Variants in COL4A1 observed in about 807,000 individuals in gnomAD.
COL4A1 encodes the protein collagen alpha-1(IV) chain.
COL4A1 carries 40 observed loss-of-function variants against 216.6 expected under a neutral mutation model. The observed-to-expected ratio is 0.18, with a 90% CI of 0.14 to 0.24. The LOEUF is 0.24. COL4A1 is among the 10% of genes least tolerant of loss of function. The pLI, the probability that COL4A1 is intolerant of heterozygous loss-of-function variation, is 1.00. For missense variants in COL4A1, 1,628 were observed against 2,196.8 expected, an observed-to-expected ratio of 0.74 and a Z score of 5.18; for synonymous variants, 839 against 810.7, an observed-to-expected ratio of 1.03 and a Z score of -0.59.
rs1012199148 is a variant in COL4A1 at position 110,211,064 on chromosome 13, C to T, written c.468+583G>A. Among the ~76,000 whole-genome samples, 3 of 152,286 alleles carry T rather than the reference C, an allele frequency of 2.0e-5. No homozygotes were observed. Among genetic ancestry groups the T allele is most frequent in the East Asian group, 1.9e-4 (1 of 5,188 alleles). On this transcript the variant is annotated intron_variant, in intron 8 of 51. Transcript: ENST00000375820. The surrounding 1 kb of genome is among the most constrained non-coding windows in gnomAD (Gnocchi z 4.3). ...GGCTATTATGAGGATCTATTTCCTA[C>T]GTGTTCTGAATCACAGGAGCGAGCA...
intron 41 of COL4A1, among the ~76,000 whole-genome samples, chr13:110,171,878 G>C (rs1877659071): frequency 6.6e-6 from 1 of 152,230 alleles, no homozygotes; most frequent in African/African-American, 2.4e-5. Context: ...TTAAGGGAGA[G>C]GGAAGTGTCC....
Position 110,167,199 on chromosome 13 carries a change from G to T in COL4A1, c.3908C>A (p.Ser1303Tyr). 1 of 1,614,076 alleles carries T rather than the reference G, an allele frequency of 6.2e-7. No individual in the cohort carries two copies. Among genetic ancestry groups the T allele is most frequent in the Non-Finnish European group, 8.5e-7 (1 of 1,179,958 alleles). Residue 1303 changes from serine (S) to tyrosine (Y), a missense_variant, in exon 44 of 52, where the codon TCT becomes TAT. By Grantham distance (144) the Ser-to-Tyr change is moderately radical (BLOSUM62 -2). Transcript: ENST00000375820. ...GIGGSPGITG[S>Y]KGDMGPPGVP... is the part of the protein sequence containing the mutation. ...TCCTGGAGGCCCCATATCACCCTTAGAGCCTGTGATTCCTGGAGAGCCACC... is the reference window on the plus strand; with the variant it reads ...TCCTGGAGGCCCCATATCACCCTTATAGCCTGTGATTCCTGGAGAGCCACC...
Position 110,307,110 on chromosome 13 carries a change from TC to T in COL4A1, c.-84del. The T allele has an allele frequency of 8.5e-7, 1 of 1,171,452 alleles. No homozygotes were observed. Among genetic ancestry groups the T allele is most frequent in the Non-Finnish European group, 1.1e-6 (1 of 884,604 alleles). The allele number at this position is 1,171,452 out of a possible 1,614,324, so 72.6% of individuals were successfully genotyped here. A position where few individuals can be genotyped will look rare whatever the true frequency, so the allele number is the denominator to read the frequency against. On this transcript the variant is annotated 5_prime_UTR_variant, in exon 1 of 52. Coordinates refer to ENST00000375820, the MANE Select transcript of COL4A1 (RefSeq NM_001845.6). The surrounding 1 kb of genome is among the most constrained non-coding windows in gnomAD (Gnocchi z 5.0). ...CAGCTAGCTCTCGGAAGGCCGGACT[TC>T]CAGCGCTACGCACCGTCCCGGGTGC...
chr13:110,234,321 G>A (rs1226510568), intron 2 of COL4A1, among the ~76,000 whole-genome samples: 4 of 152,126 alleles, frequency 2.6e-5, no homozygotes, highest in Non-Finnish European at 4.4e-5. Flanking sequence ...AGTGGCTCAC[G>A]CCTGTCATCC....
intron 1 of COL4A1, among the ~76,000 whole-genome samples, chr13:110,273,098 T>C (rs1883303263): frequency 6.6e-6 from 1 of 152,204 alleles, no homozygotes; most frequent in Non-Finnish European, 1.5e-5. Flanking sequence ...GGCTGCCTGA[T>C]CATGTCTCAG....
intron 1 of COL4A1, among the ~76,000 whole-genome samples, chr13:110,299,904 A>C (rs1216330686): frequency 6.6e-6 from 1 of 152,252 alleles, no homozygotes; most frequent in Non-Finnish European, 1.5e-5. Flanking sequence ...ATGATAAAAA[A>C]GAGTTGCTTA....
chr13:110,201,329 A>C (rs541401633), intron 19 of COL4A1, 109 bp downstream of exon 19: 15 of 651,936 alleles, frequency 2.3e-5, no homozygotes, highest in Non-Finnish European at 3.4e-5. Context: ...GGGAGGAGGA[A>C]GGAGGAGGAG....
rs914764279 is a variant in COL4A1 at position 110,163,538 on chromosome 13, G to A, written c.4174C>T (p.Pro1392Ser). ...QQGVTGLVGIPGPPGIPGFDG... is the reference protein window; with the variant it reads ...QQGVTGLVGISGPPGIPGFDG... ...AACCCAGGAATACCTGGAGGTCCAG[G>A]TATACCCACCAATCCTGTAACACCT... is the stretch of plus-strand genomic sequence containing the variant. The change falls in exon 47 of 52, where the codon CCT (proline) becomes TCT (serine). Residue 1392 changes from proline (P) to serine (S), a missense_variant. Pro to Ser is a moderately conservative substitution (Grantham distance 74). This residue lies in a region of COL4A1 where 345 missense variants were observed against 476.9 expected (regional missense o/e 0.72). Coordinates refer to ENST00000375820, the MANE Select transcript of COL4A1 (RefSeq NM_001845.6). 6.2e-7 allele frequency: 1 copy of A among 1,613,884 alleles called. No individual in the cohort carries two copies. The highest frequency in any genetic ancestry group is 8.5e-7 in the Non-Finnish European group (1 of 1,179,970).
At position 110,211,958 on chromosome 13, in the gene COL4A1, T is replaced by C; in HGVS notation, c.388-36A>G. On this transcript the variant is annotated intron_variant, in intron 6 of 51. Transcript: ENST00000375820. This position sits in a 1 kb window ranked among gnomAD's most constrained non-coding sequence, Gnocchi z 4.3. Reference sequence around the variant, plus strand: ...AGCAGAGCATCATTCATACGCACTGTGTGTGGCAGACACATCAGCCCTGAC... The same window carrying C: ...AGCAGAGCATCATTCATACGCACTGCGTGTGGCAGACACATCAGCCCTGAC... 2 of 1,600,688 alleles carry C rather than the reference T, an allele frequency of 1.2e-6. No individual in the cohort carries two copies. Among genetic ancestry groups the C allele is most frequent in the South Asian group, 1.1e-5 (1 of 90,796 alleles).
intron 28 of COL4A1, among the ~76,000 whole-genome samples, chr13:110,182,023 G>A (rs932962037): frequency 1.3e-5 from 2 of 152,228 alleles, no homozygotes; most frequent in Admixed American, 6.5e-5. Flanking sequence ...GATAGGGTCT[G>A]TCCTCCTCAC....
At chr13:110,194,777 G>A (rs1878804907) in intron 22 of COL4A1, among the ~76,000 whole-genome samples, 1 of 152,130 alleles carries the variant, frequency 6.6e-6, no homozygotes, top group Non-Finnish European at 1.5e-5. Flanking sequence ...TGACTTCACG[G>A]TCCTCGGAAA....
rs1280449918 is a variant in COL4A1, at chr13:110,187,135, T to C, written c.1728+3A>G. Reference sequence around the variant, plus strand: ...CACATTCAAAGTCTGGAGATAAACATACCGGCGAGCCCTTGGGGCCAGGAA... The same window carrying C: ...CACATTCAAAGTCTGGAGATAAACACACCGGCGAGCCCTTGGGGCCAGGAA... On this transcript the variant is annotated splice_donor_region_variant and intron_variant, in intron 25 of 51. Transcript: ENST00000375820. 6.2e-7 allele frequency: 1 copy of C among 1,613,974 alleles called. No individual in the cohort carries two copies. The highest frequency in any genetic ancestry group is 8.5e-7 in the Non-Finnish European group (1 of 1,179,884).
At chr13:110,194,914 T>G in intron 22 of COL4A1, 109 bp downstream of exon 22, 1 of 822,720 alleles carries the variant, frequency 1.2e-6, no homozygotes, top group East Asian at 2.6e-5. Context: ...AAAAGGAACC[T>G]ACGCCCTAAC....
chr13:110,272,455 C>T (rs917697966), intron 1 of COL4A1, among the ~76,000 whole-genome samples: 2 of 152,180 alleles, frequency 1.3e-5, no homozygotes, highest in Admixed American at 6.5e-5. Context: ...CACAGAGCAA[C>T]CCCTAAACCC....
intron 1 of COL4A1, among the ~76,000 whole-genome samples, chr13:110,264,453 C>G (rs1882947016): frequency 6.6e-6 from 1 of 151,986 alleles, no homozygotes; most frequent in East Asian, 1.9e-4. Context: ...CCAATAATTC[C>G]TAAGAACAAC....
At chr13:110,290,199 A>T (rs1223755215) in intron 1 of COL4A1, among the ~76,000 whole-genome samples, 1 of 152,024 alleles carries the variant, frequency 6.6e-6, no homozygotes, top group Non-Finnish European at 1.5e-5. Flanking sequence ...TTTAAAGTTC[A>T]TTTTCCTGGT....
At chr13:110,223,447 A>G (rs1465488369) in intron 2 of COL4A1, among the ~76,000 whole-genome samples, 1 of 152,218 alleles carries the variant, frequency 6.6e-6, no homozygotes, top group African/African-American at 2.4e-5. Flanking sequence ...CCTTTGCTTA[A>G]CCTATCAGCA....
At chr13:110,251,461 A>G (rs1468198261) in intron 1 of COL4A1, among the ~76,000 whole-genome samples, 1 of 152,212 alleles carries the variant, frequency 6.6e-6, no homozygotes, top group Admixed American at 6.5e-5. Context: ...GGTGAGATTC[A>G]CTTCCCATCT....
intron 1 of COL4A1, among the ~76,000 whole-genome samples, chr13:110,260,238 T>G (rs763857026): frequency 1.6e-4 from 25 of 152,198 alleles, no homozygotes; most frequent in Non-Finnish European, 3.5e-4. Context: ...ACATCTTACA[T>G]GGCGGCAGGC....
Sources: gnomAD v4.1 joint callset for allele counts (sites outside exome capture counted in the v4.1 genomes callset) on GRCh38, gnomAD v4.1.1 for gene constraint, gnomAD v4.1.1 regional missense constraint, Gnocchi (gnomAD v3.1) non-coding constraint, MANE v1.5 for transcripts, NCBI Gene and HGNC (gene_info 2026-07-23, HGNC 2026-07-21) for gene names.